ZNF263: variants seen among roughly 807,000 people sequenced by gnomAD.
ZNF263 encodes zinc finger protein 263.
In ZNF263, 49 loss-of-function variants were observed where a neutral mutation model predicts 63.1. The ratio of observed to expected loss-of-function variants is 0.78; its 90% CI spans 0.62 to 0.99. The LOEUF is 0.99. Among genes scored for constraint, ZNF263 ranks in the 50% least tolerant of loss-of-function variants. The pLI is 0.00. For synonymous variants in ZNF263, 352 were observed against 324.2 expected (o/e 1.09, Z -0.92); for missense variants, 872 against 854.8 (o/e 1.02, Z -0.25).
chr16:3,296,576 T>C (rs1214013880), intron 1 of ZNF263, among the ~76,000 whole-genome samples: 1 of 152,228 alleles, frequency 6.6e-6, no homozygotes. Flanking sequence ...TCCACCAGGC[T>C]GCAGACTGAA....
rs1387484830 is a variant in ZNF263, at chr16:3,283,731, C to G, written c.-88C>G. The G allele has an allele frequency of 1.4e-6, 2 of 1,417,320 alleles. No homozygotes were observed. The highest frequency in any genetic ancestry group is 5.2e-5 in the East Asian group (2 of 38,626). 87.8% of individuals were successfully genotyped at this position (1,417,320 alleles called of 1,614,324 possible). The stretch of plus-strand genomic sequence containing the variant: ...GGGAGCCCCCGGCCCCGGGCTCCTG[C>G]TGGCGCCGTCCAACCTTACATGGGT... On this transcript the variant is annotated 5_prime_UTR_variant, in exon 1 of 6. Coordinates refer to ENST00000219069, the MANE Select transcript of ZNF263 (RefSeq NM_005741.5).
Position 3,299,246 on chromosome 16 carries a change from T to C in ZNF263, c.*46+90T>C, listed in dbSNP as rs749490969. The C allele has an allele frequency of 4.3e-6, 7 of 1,611,608 alleles. No homozygotes were observed. Among genetic ancestry groups the C allele is most frequent in the African/African-American group, 1.3e-5 (1 of 74,816 alleles). On this transcript the variant is annotated intron_variant, in intron 2 of 2. Coordinates refer to the ZNF263 transcript ENST00000574674. ...CCTTTTTGAACAACTTCCTTTGTTA[T>C]TCCACCTTTGGTTTTTAGGAGACAA...
rs1056039800 is a variant in ZNF263 at position 3,300,763 on chromosome 16, G to C, written c.*47-150G>C. 60 of 1,349,624 alleles carry C rather than the reference G, an allele frequency of 4.4e-5. 1 individual carries two copies. The African/African-American group carries it at 7.9e-4, about 18-fold the overall frequency. The allele number at this position is 1,349,624 out of a possible 1,614,324, so 83.6% of individuals were successfully genotyped here. A position where few individuals can be genotyped will look rare whatever the true frequency, so the allele number is the denominator to read the frequency against. On this transcript the variant is annotated intron_variant, in intron 2 of 2. Transcript: ENST00000574674. ...TGTATTGGAGGATAATGGACTGAAG[G>C]GGCTAACCATGACTGAAGAGCTAGT...
At chr16:3,299,709 A>T (rs141642267) in intron 2 of ZNF263, 210 of 1,536,648 alleles carry the variant, frequency 1.4e-4, no homozygotes, top group Non-Finnish European at 1.8e-4. Flanking sequence ...ATTCAGAGGA[A>T]GGATGAGCCG....
intron 2 of ZNF263, among the ~76,000 whole-genome samples, chr16:3,285,467 C>T (rs1959312014): frequency 6.6e-6 from 1 of 152,146 alleles, no homozygotes. Flanking sequence ...CGATTTAGAA[C>T]CACTTGAATG....
chr16:3,299,500 T>C, intron 2 of ZNF263: 1 of 1,540,652 alleles, frequency 6.5e-7, no homozygotes, highest in Non-Finnish European at 8.7e-7. Context: ...ATTGTAGATT[T>C]TAATTTTGGA....
intron 2 of ZNF263, chr16:3,300,295 G>A: frequency 6.2e-7 from 1 of 1,614,202 alleles, no homozygotes; most frequent in African/African-American, 1.3e-5. Context: ...AAATCTCTCT[G>A]CAGCAGCCTG....
At chr16:3,285,032 T>G (rs1268071186) in intron 1 of ZNF263, 27 bp from the exon 2 acceptor site, 1 of 1,612,804 alleles carries the variant, frequency 6.2e-7, no homozygotes, top group Non-Finnish European at 8.5e-7. Flanking sequence ...CCTGTTGTGA[T>G]GATGAGTGAT....
chr16:3,300,425 C>T (rs779261265), intron 2 of ZNF263: 47 of 1,614,058 alleles, frequency 2.9e-5, no homozygotes, highest in East Asian at 6.7e-5. Context: ...TCAGCCCCTA[C>T]TAATGGCATG....
Position 3,289,291 on chromosome 16 carries a change from C to A in ZNF263, c.887-102C>A, listed in dbSNP as rs376766999. On this transcript the variant is annotated intron_variant, in intron 5 of 5. Coordinates refer to ENST00000219069, the MANE Select transcript of ZNF263 (RefSeq NM_005741.5). ...GGATGGGATTCTGAGGTAGAAGCAGCCCTTCTGGGCTGCTGACCTAACAGG... is the reference window on the plus strand; with the variant it reads ...GGATGGGATTCTGAGGTAGAAGCAGACCTTCTGGGCTGCTGACCTAACAGG... The A allele has an allele frequency of 2.4e-5, 31 of 1,278,268 alleles. No homozygotes were observed. The African/African-American group carries it at 4.2e-4, about 17-fold the overall frequency. The allele number at this position is 1,278,268 out of a possible 1,614,324, so 79.2% of individuals were successfully genotyped here.
chr16:3,290,672 A>G lies in ZNF263; in HGVS notation c.*114A>G. On this transcript the variant is annotated 3_prime_UTR_variant, in exon 6 of 6. Transcript: ENST00000219069. ...AAATGACCTCTGCATTCTTCAGGTA[A>G]TGGGGGCTCATTGTGAGGGAGGTGC... 1.4e-6 allele frequency: 2 copies of G among 1,456,996 alleles called. No homozygotes were observed. The highest frequency in any genetic ancestry group is 1.8e-6 in the Non-Finnish European group (2 of 1,111,878). 90.3% of individuals were successfully genotyped at this position (1,456,996 alleles called of 1,614,324 possible). A position where few individuals can be genotyped will look rare whatever the true frequency, so the allele number is the denominator to read the frequency against.
downstream of ZNF263, among the ~76,000 whole-genome samples, chr16:3,296,061 C>T (rs955178690): frequency 2.6e-5 from 4 of 152,202 alleles, no homozygotes; most frequent in African/African-American, 4.8e-5. Flanking sequence ...TCAAAAGTCA[C>T]GCACTGTCCT....
At chr16:3,291,782 C>T (rs192133418), downstream of ZNF263, among the ~76,000 whole-genome samples, 167 of 152,322 alleles carry the variant, frequency 1.1e-3, no homozygotes, top group African/African-American at 3.9e-3. Context: ...TACATTCTTA[C>T]TCAGTAGCTG....
chr16:3,287,720 G>C (rs543239981), intron 4 of ZNF263, among the ~76,000 whole-genome samples: 5 of 151,892 alleles, frequency 3.3e-5, no homozygotes, highest in African/African-American at 9.6e-5. Context: ...TTAATCTCAT[G>C]GTCCTCTTAG....
rs779791895 is a variant in ZNF263 at position 3,289,638 on chromosome 16, C to T, written c.1132C>T (p.His378Tyr). The change falls in exon 6 of 6, where the codon CAT becomes TAT. Residue 378 changes from histidine to tyrosine, a missense_variant. Physicochemically the swap from His to Tyr is moderately conservative, Grantham distance 83. Coordinates refer to ENST00000219069, the MANE Select transcript of ZNF263 (RefSeq NM_005741.5). ...GAAGGAACTGCAGCCAAAGAAACTCCATTTATGTCCCTTGTGTGGCAAAAA... is the reference window on the plus strand; with the variant it reads ...GAAGGAACTGCAGCCAAAGAAACTCTATTTATGTCCCTTGTGTGGCAAAAA... ...RPKELQPKKL[H>Y]LCPLCGKNFS... The T allele has an allele frequency of 1.9e-6, 3 of 1,614,080 alleles. No individual in the cohort carries two copies. Among genetic ancestry groups the T allele is most frequent in the African/African-American group, 2.7e-5 (2 of 74,934 alleles).
chr16:3,284,999 A>T, intron 1 of ZNF263, 60 bp from the exon 2 acceptor site: 1 of 1,593,164 alleles, frequency 6.3e-7, no homozygotes. Flanking sequence ...AGTATCCTAT[A>T]CTAATTTCCC....
intron 4 of ZNF263, 120 bp from the exon 5 acceptor site, chr16:3,288,334 C>T (rs1959458827): frequency 1.3e-6 from 1 of 745,084 alleles, no homozygotes; most frequent in Non-Finnish European, 2.4e-6. Flanking sequence ...TTCCAAGTAA[C>T]TGCTGTCAGA....
In ZNF263 at chr16:3,283,552, T is replaced by A. The variant is rs1053780291; in HGVS notation, c.-267T>A. The A allele has an allele frequency of 5.7e-5, 15 of 261,888 alleles. No homozygotes were observed. Among genetic ancestry groups the A allele is most frequent in the Non-Finnish European group, 9.0e-5 (15 of 166,014 alleles). 16.2% of individuals were successfully genotyped at this position (261,888 alleles called of 1,614,324 possible). ...GTCTGAGTCTTGCGTGGGTCCTCTATATAGGGTGAGAAGCGTGGCGCTCGG... is the reference window on the plus strand; with the variant it reads ...GTCTGAGTCTTGCGTGGGTCCTCTAAATAGGGTGAGAAGCGTGGCGCTCGG... On this transcript the variant is annotated 5_prime_UTR_variant, in exon 1 of 6. Transcript: ENST00000219069.
downstream of ZNF263, among the ~76,000 whole-genome samples, chr16:3,292,521 C>T (rs1380500871): frequency 6.6e-6 from 1 of 152,116 alleles, no homozygotes; most frequent in African/African-American, 2.4e-5. Flanking sequence ...CAGTGCAGGG[C>T]CAGCCAGGCT....
Sources: allele counts gnomAD v4.1 joint callset (sites outside exome capture counted in the v4.1 genomes callset), GRCh38; gene constraint gnomAD v4.1.1; transcripts MANE v1.5; gene names NCBI Gene and HGNC (gene_info 2026-07-23, HGNC 2026-07-21).